Variants in GABRA3 observed in about 807,000 individuals in gnomAD.
GABRA3 encodes gamma-aminobutyric acid type A receptor subunit alpha3, also known as gamma-aminobutyric acid receptor subunit alpha-3.
GABRA3 carries 10 observed loss-of-function variants against 30.1 expected under a neutral mutation model. The observed-to-expected ratio is 0.33, with a 90% confidence interval of 0.20 to 0.56. The LOEUF is 0.56. Ranked by LOEUF, GABRA3 falls within the 20% of genes least tolerant of loss-of-function variation. The probability of loss-of-function intolerance (pLI) is 0.89; values close to 1 mark genes in which losing one functional copy is unlikely to be tolerated. For missense variants in GABRA3, 233 were observed against 392.0 expected, an observed-to-expected ratio of 0.59 and a Z score of 3.42; for synonymous variants, 151 against 146.8, an observed-to-expected ratio of 1.03 and a Z score of -0.21.
At chrX:152,180,982 G>T (rs915476146) in intron 9 of GABRA3, among the ~76,000 whole-genome samples, 9 of 112,083 alleles carry the variant, frequency 8.0e-5, no homozygotes, top group African/African-American at 1.9e-4. Context: ...GATGCCTTCA[G>T]CTTTCTTCTT....
At chrX:152,395,707 C>A (rs751242635) in intron 1 of GABRA3, among the ~76,000 whole-genome samples, 4 of 111,444 alleles carry the variant, frequency 3.6e-5, no homozygotes, top group Non-Finnish European at 7.5e-5. Context: ...GCTGTAAATA[C>A]GCAAAATACA....
intron 4 of GABRA3, among the ~76,000 whole-genome samples, chrX:152,278,872 A>C (rs1405959990): frequency 9.0e-6 from 1 of 111,693 alleles, no homozygotes; most frequent in Non-Finnish European, 1.9e-5. Context: ...GATGATGAGC[A>C]TTTTTTCATG....
intron 3 of GABRA3, among the ~76,000 whole-genome samples, chrX:152,314,309 C>A (rs368702830): frequency 9.0e-6 from 1 of 111,536 alleles, no homozygotes; most frequent in Non-Finnish European, 1.9e-5. Flanking sequence ...CTCATTTGTA[C>A]CCACCCAGAA....
chrX:152,198,992 C>G (rs900489935), intron 7 of GABRA3, among the ~76,000 whole-genome samples: 1 of 111,499 alleles, frequency 9.0e-6, no homozygotes, highest in African/African-American at 3.3e-5. Flanking sequence ...GGGTGGGCCC[C>G]TCATCCAACA....
chrX:152,226,764 C>CA (rs1355542534), intron 5 of GABRA3, among the ~76,000 whole-genome samples: 2 of 111,527 alleles, frequency 1.8e-5, no homozygotes, highest in African/African-American at 6.5e-5. Flanking sequence ...TTTATGCAGC[C>CA]AAAAAACACA....
At chrX:152,380,756 T>C (rs1420008402) in intron 1 of GABRA3, among the ~76,000 whole-genome samples, 1 of 112,055 alleles carries the variant, frequency 8.9e-6, no homozygotes, top group Non-Finnish European at 1.9e-5. Flanking sequence ...CCGGCACTTA[T>C]CTTTCATCTT....
At chrX:152,280,809 A>T (rs781073852) in intron 4 of GABRA3, among the ~76,000 whole-genome samples, 3 of 111,221 alleles carry the variant, frequency 2.7e-5, no homozygotes, top group Non-Finnish European at 5.7e-5. Flanking sequence ...GGATCTAAGC[A>T]AAGTATTCCT....
intron 6 of GABRA3, among the ~76,000 whole-genome samples, chrX:152,219,248 A>T (rs1937786832): frequency 9.0e-6 from 1 of 110,634 alleles, no homozygotes; most frequent in South Asian, 3.8e-4. Flanking sequence ...GATGACACCT[A>T]AATTAAATCT....
intron 9 of GABRA3, among the ~76,000 whole-genome samples, chrX:152,173,245 G>A (rs890072812): frequency 9.2e-6 from 1 of 109,117 alleles, no homozygotes; most frequent in African/African-American, 3.3e-5. Flanking sequence ...GGCGGTGGGG[G>A]GGTGGGGGTT....
chrX:152,293,766 G>A (rs1939470192), intron 3 of GABRA3, among the ~76,000 whole-genome samples: 1 of 111,277 alleles, frequency 9.0e-6, no homozygotes, highest in Non-Finnish European at 1.9e-5. Flanking sequence ...GCTGGGACCA[G>A]TTGTTCCTTT....
chrX:152,198,502 T>G (rs1347516032), intron 7 of GABRA3, among the ~76,000 whole-genome samples: 1 of 112,407 alleles, frequency 8.9e-6, no homozygotes, highest in East Asian at 2.8e-4. Flanking sequence ...TAGGTACTAA[T>G]AATTACCCCA....
intron 7 of GABRA3, among the ~76,000 whole-genome samples, chrX:152,198,821 A>T (rs1367952719): frequency 8.9e-6 from 1 of 112,389 alleles, no homozygotes; most frequent in Non-Finnish European, 1.9e-5. Flanking sequence ...TCCCCAATGT[A>T]TAACTTCTAC....
At chrX:152,381,702 C>G (rs761539508) in intron 1 of GABRA3, among the ~76,000 whole-genome samples, 64 of 109,598 alleles carry the variant, frequency 5.8e-4, no homozygotes, top group African/African-American at 1.8e-3. Flanking sequence ...TCCCCTAACC[C>G]CCCCCACCCA....
intron 7 of GABRA3, among the ~76,000 whole-genome samples, chrX:152,199,330 C>A (rs1394761482): frequency 2.9e-5 from 3 of 103,376 alleles, no homozygotes; most frequent in African/African-American, 1.0e-4. Flanking sequence ...CGTGCCACTG[C>A]ACTCCAGCCT....
intron 3 of GABRA3, among the ~76,000 whole-genome samples, chrX:152,313,039 A>G (rs887668270): frequency 8.9e-6 from 1 of 111,986 alleles, no homozygotes; most frequent in African/African-American, 3.2e-5. Context: ...CAATTCGTCT[A>G]TGTAACAAAC....
At chrX:152,310,553 C>T (rs1425023355) in intron 3 of GABRA3, among the ~76,000 whole-genome samples, 2 of 111,222 alleles carry the variant, frequency 1.8e-5, no homozygotes, top group Non-Finnish European at 1.9e-5. Context: ...CAGGACACAG[C>T]TAAAGCAGTG....
At chrX:152,276,483 A>C (rs775558957) in intron 4 of GABRA3, among the ~76,000 whole-genome samples, 1 of 111,809 alleles carries the variant, frequency 8.9e-6, no homozygotes, top group South Asian at 3.7e-4. Context: ...AAAAATGTGC[A>C]AGCCCTAACA....
chrX:152,319,939 G>T (rs1939936511), intron 3 of GABRA3, among the ~76,000 whole-genome samples: 1 of 111,117 alleles, frequency 9.0e-6, no homozygotes, highest in African/African-American at 3.3e-5. Context: ...ATTCTCAAAA[G>T]AAGATATACA....
intron 5 of GABRA3, among the ~76,000 whole-genome samples, chrX:152,236,646 T>C (rs1217411692): frequency 5.5e-5 from 6 of 108,256 alleles, no homozygotes; most frequent in Admixed American, 1.0e-4. Context: ...CCACATCTTG[T>C]CCAGCACCTG....
Sources: gnomAD v4.1 joint callset for allele counts (sites outside exome capture counted in the v4.1 genomes callset) on GRCh38, gnomAD v4.1.1 for gene constraint, MANE v1.5 for transcripts, NCBI Gene and HGNC (gene_info 2026-07-23, HGNC 2026-07-21) for gene names.